LRRC4C: variants seen among roughly 807,000 people sequenced by gnomAD.
LRRC4C encodes the protein leucine rich repeat containing 4C.
Under a neutral mutation model 33.6 loss-of-function variants are expected in LRRC4C, and 5 were observed. That is an observed-to-expected ratio of 0.15 (90% CI 0.08 to 0.31). The LOEUF (loss-of-function observed/expected upper bound fraction) is 0.31. Ranked by LOEUF, LRRC4C falls within the 10% of genes least tolerant of loss-of-function variation. The pLI is 1.00. For missense variants in LRRC4C, 560 were observed against 796.7 expected (o/e 0.70, Z 3.58); for synonymous variants, 329 against 302.0 (o/e 1.09, Z -0.93).
At chr11:40,333,781 G>T (rs1214596398) in intron 3 of LRRC4C, among the ~76,000 whole-genome samples, 1 of 150,602 alleles carries the variant, frequency 6.6e-6, no homozygotes, top group Non-Finnish European at 1.5e-5. Flanking sequence ...TCTTAACTGA[G>T]GAACAGTTTC....
chr11:40,439,766 A>G (rs1321877754), intron 3 of LRRC4C, among the ~76,000 whole-genome samples: 4 of 152,124 alleles, frequency 2.6e-5, no homozygotes, highest in Non-Finnish European at 5.9e-5. Context: ...TATTCTTTAA[A>G]TGCCTATGTG....
intron 3 of LRRC4C, among the ~76,000 whole-genome samples, chr11:40,628,321 C>CA (rs1337166387): frequency 6.6e-5 from 10 of 151,810 alleles, no homozygotes; most frequent in African/African-American, 2.4e-4. Flanking sequence ...ACTAAAAATA[C>CA]AAAAAAATTA....
intron 3 of LRRC4C, among the ~76,000 whole-genome samples, chr11:40,365,564 G>C (rs1227913496): frequency 6.6e-6 from 1 of 152,014 alleles, no homozygotes; most frequent in African/African-American, 2.4e-5. Context: ...AACTTTGGGG[G>C]GGCCCGAGAG....
At chr11:40,512,487 G>T (rs1195644445) in intron 3 of LRRC4C, among the ~76,000 whole-genome samples, 1 of 152,132 alleles carries the variant, frequency 6.6e-6, no homozygotes, top group Non-Finnish European at 1.5e-5. Context: ...GGCACAGAGG[G>T]GCAGTTATTT....
intron 1 of LRRC4C, among the ~76,000 whole-genome samples, chr11:41,394,036 C>A (rs1565637522): frequency 6.6e-6 from 1 of 151,884 alleles, no homozygotes; most frequent in Non-Finnish European, 1.5e-5. Flanking sequence ...TGCAAAGAGG[C>A]ACTCTAGGGA....
At chr11:41,226,824 A>G (rs1454603803) in intron 1 of LRRC4C, among the ~76,000 whole-genome samples, 1 of 151,576 alleles carries the variant, frequency 6.6e-6, no homozygotes, top group Admixed American at 6.6e-5. Flanking sequence ...CCACAATCAA[A>G]CTACTTAAAA....
chr11:41,327,853 T>C (rs1951170360), intron 1 of LRRC4C, among the ~76,000 whole-genome samples: 1 of 152,286 alleles, frequency 6.6e-6, no homozygotes, highest in African/African-American at 2.4e-5. Flanking sequence ...GCTCCTCCTT[T>C]TCACCTTCCA....
At chr11:40,157,398 G>T (rs1258856659) in intron 5 of LRRC4C, among the ~76,000 whole-genome samples, 1 of 151,958 alleles carries the variant, frequency 6.6e-6, no homozygotes, top group African/African-American at 2.4e-5. Context: ...TAAAAACAAA[G>T]ATACATAGCT....
intron 1 of LRRC4C, among the ~76,000 whole-genome samples, chr11:40,943,109 CATTT>C (rs1275532078): frequency 6.6e-6 from 1 of 152,132 alleles, no homozygotes; most frequent in African/African-American, 2.4e-5. Context: ...AATGAAATCA[CATTT>C]ATCTCATGGA....
intron 1 of LRRC4C, among the ~76,000 whole-genome samples, chr11:41,068,875 A>T (rs527891011): frequency 6.6e-6 from 1 of 152,170 alleles, no homozygotes; most frequent in Non-Finnish European, 1.5e-5. Context: ...TTCTGAAACT[A>T]TTTGAAACAA....
chr11:40,687,664 T>C (rs1945026520), intron 2 of LRRC4C, among the ~76,000 whole-genome samples: 1 of 152,126 alleles, frequency 6.6e-6, no homozygotes, highest in Non-Finnish European at 1.5e-5. Context: ...AATGCTAAAC[T>C]TTGTCTTTCT....
chr11:40,175,390 C>T (rs1322646308), intron 5 of LRRC4C, among the ~76,000 whole-genome samples: 2 of 152,204 alleles, frequency 1.3e-5, no homozygotes, highest in East Asian at 3.8e-4. Context: ...ACCGGCTTGT[C>T]TCTGGGAAAT....
intron 1 of LRRC4C, among the ~76,000 whole-genome samples, chr11:41,116,647 G>C (rs888722342): frequency 1.3e-5 from 2 of 152,078 alleles, no homozygotes; most frequent in Non-Finnish European, 2.9e-5. Context: ...GGACTGAGAT[G>C]TTAGACAAAG....
chr11:40,207,403 GC>G lies in LRRC4C; in HGVS notation c.-96+34115del, dbSNP rs1863240420. On this transcript the variant is annotated intron_variant, in intron 5 of 6. Transcript: ENST00000528697. ...GCTTGAGGCCCAGAGTTCAAAACCAGCCCAGGGAAGCAATATAGCAAGATTC... is the reference window on the plus strand; with the variant it reads ...GCTTGAGGCCCAGAGTTCAAAACCAGCCAGGGAAGCAATATAGCAAGATTC... 1.3e-5 allele frequency among the ~76,000 whole-genome samples: 2 copies of G among 152,078 alleles called. 1 individual carries two copies. Among genetic ancestry groups the G allele is most frequent in the South Asian group, 4.1e-4 (2 of 4,828 alleles).
At chr11:40,560,442 TTGTG>T (rs66917448) in intron 3 of LRRC4C, among the ~76,000 whole-genome samples, 373 of 149,140 alleles carry the variant, frequency 2.5e-3, no homozygotes, top group African/African-American at 3.6e-3. Context: ...GTGCCTGTGT[TTGTG>T]TGTGTGTGTG....
intron 2 of LRRC4C, among the ~76,000 whole-genome samples, chr11:40,674,674 T>G (rs1944306825): frequency 6.6e-6 from 1 of 152,162 alleles, no homozygotes; most frequent in African/African-American, 2.4e-5. Context: ...TTATAAATCG[T>G]GATGTTCTCT....
At chr11:41,341,643 G>T (rs1298814593) in intron 1 of LRRC4C, among the ~76,000 whole-genome samples, 1 of 152,120 alleles carries the variant, frequency 6.6e-6, no homozygotes, top group Non-Finnish European at 1.5e-5. Context: ...ATCAACAAAA[G>T]ACCATGTAAA....
At chr11:41,294,326 G>A (rs186449768) in intron 1 of LRRC4C, among the ~76,000 whole-genome samples, 181 of 152,262 alleles carry the variant, frequency 1.2e-3, no homozygotes, top group African/African-American at 4.2e-3. Flanking sequence ...AAAGGACTTC[G>A]CACAGAGTAT....
intron 3 of LRRC4C, among the ~76,000 whole-genome samples, chr11:40,547,291 T>C (rs181522240): frequency 8.0e-4 from 122 of 152,186 alleles, no homozygotes; most frequent in Non-Finnish European, 1.4e-3. Context: ...TTTTTTTTCA[T>C]TTCTTTCTAA....
Sources: gnomAD v4.1 joint callset for allele counts (sites outside exome capture counted in the v4.1 genomes callset) on GRCh38, gnomAD v4.1.1 for gene constraint, MANE v1.5 for transcripts, NCBI Gene and HGNC (gene_info 2026-07-23, HGNC 2026-07-21) for gene names.